Variants in OLFM3 observed in about 807,000 individuals in gnomAD.
The protein encoded by OLFM3 is noelin-3.
In OLFM3, 20 loss-of-function variants were observed where a neutral mutation model predicts 48.6. That is an observed-to-expected ratio of 0.41 (90% CI 0.29 to 0.60). The LOEUF (loss-of-function observed/expected upper bound fraction) is 0.60. OLFM3 is among the 20% of genes least tolerant of loss of function. The probability of loss-of-function intolerance (pLI) is 0.28; values close to 1 mark genes in which losing one functional copy is unlikely to be tolerated. For synonymous variants in OLFM3, 222 were observed against 198.1 expected, an observed-to-expected ratio of 1.12 and a Z score of -1.01; for missense variants, 437 against 544.3, an observed-to-expected ratio of 0.80 and a Z score of 1.96.
At chr1:101,943,960 A>G (rs926432260) in intron 1 of OLFM3, among the ~76,000 whole-genome samples, 1 of 151,500 alleles carries the variant, frequency 6.6e-6, no homozygotes, top group African/African-American at 2.4e-5. Flanking sequence ...TTGCCTAATA[A>G]CTTATGATAA....
intron 1 of OLFM3, among the ~76,000 whole-genome samples, chr1:101,993,564 C>G (rs928093061): frequency 1.3e-5 from 2 of 152,050 alleles, no homozygotes; most frequent in Non-Finnish European, 2.9e-5. Flanking sequence ...ATTGACATCT[C>G]TTAAAATAGG....
Position 101,804,351 on chromosome 1 carries a change from A to T in OLFM3, c.1264T>A (p.Ser422Thr). 1 of 1,612,398 alleles carries T rather than the reference A, an allele frequency of 6.2e-7. No homozygotes were observed. The highest frequency in any genetic ancestry group is 8.5e-7 in the Non-Finnish European group (1 of 1,178,858). ...TCTCTTGCATTGTAGTCAAGCATGG[A>T]TATGTGAAAGTATTGGTTATGGAAG... The part of the protein sequence containing the change: ...IPFHNQYFHI[S>T]MLDYNARDRA... The change falls in exon 6 of 6, where the codon TCC becomes ACC. Residue 422 changes from serine to threonine, a missense_variant. Ser to Thr is a moderately conservative substitution (Grantham distance 58). Transcript: ENST00000370103. The surrounding 1 kb of genome is among the most constrained non-coding windows in gnomAD (Gnocchi z 4.5).
intron 4 of OLFM3, chr1:101,812,577 T>G: frequency 1.0e-6 from 1 of 985,536 alleles, no homozygotes; most frequent in Non-Finnish European, 1.2e-6. Context: ...CCATGAGCCT[T>G]ATCTAATCGA....
intron 1 of OLFM3, among the ~76,000 whole-genome samples, chr1:101,874,601 A>G (rs1176201705): frequency 6.6e-6 from 1 of 151,932 alleles, no homozygotes. Flanking sequence ...TGATCATTAC[A>G]GATACTGAGG....
intron 3 of OLFM3, among the ~76,000 whole-genome samples, chr1:101,827,658 G>A (rs1468956931): frequency 6.6e-6 from 1 of 152,052 alleles, no homozygotes; most frequent in East Asian, 1.9e-4. Context: ...ACAAATATAT[G>A]TTGAGCACCT....
At chr1:101,904,656 T>C (rs887530587) in intron 1 of OLFM3, among the ~76,000 whole-genome samples, 5 of 152,036 alleles carry the variant, frequency 3.3e-5, no homozygotes, top group Non-Finnish European at 7.4e-5. Context: ...TGGCCAGCAA[T>C]ACAATTCAAT....
intron 2 of OLFM3, among the ~76,000 whole-genome samples, chr1:101,834,162 A>G (rs891902001): frequency 6.6e-6 from 1 of 152,196 alleles, no homozygotes; most frequent in African/African-American, 2.4e-5. Flanking sequence ...TGGATATACC[A>G]GTGGGATTTT....
chr1:101,994,650 T>C (rs1557761837), intron 1 of OLFM3, among the ~76,000 whole-genome samples: 3 of 150,250 alleles, frequency 2.0e-5, no homozygotes, highest in Admixed American at 6.6e-5. Flanking sequence ...CTCTTCATTT[T>C]TTAAAGCAAT....
intron 1 of OLFM3, among the ~76,000 whole-genome samples, chr1:101,974,270 G>T (rs1660888681): frequency 6.6e-6 from 1 of 152,120 alleles, no homozygotes; most frequent in African/African-American, 2.4e-5. Flanking sequence ...GTCTGTGGAA[G>T]AAATTAGCGC....
At chr1:101,855,476 A>G (rs1418524428) in intron 1 of OLFM3, among the ~76,000 whole-genome samples, 1 of 152,130 alleles carries the variant, frequency 6.6e-6, no homozygotes, top group South Asian at 2.1e-4. Flanking sequence ...ATGCAAAAAA[A>G]TAGCCAATAT....
chr1:101,957,745 G>A (rs1367624193), intron 1 of OLFM3, among the ~76,000 whole-genome samples: 1 of 152,014 alleles, frequency 6.6e-6, no homozygotes, highest in Non-Finnish European at 1.5e-5. Context: ...TAACAGTGTG[G>A]CTTCTTAAAA....
Position 101,996,919 on chromosome 1 carries a change from A to G in OLFM3, c.-103T>C, listed in dbSNP as rs1661578998. On this transcript the variant is annotated 5_prime_UTR_variant, in exon 1 of 6. Coordinates refer to ENST00000370103, the MANE Select transcript of OLFM3 (RefSeq NM_058170.4). ...GTTGCACTTTCTGCCTGCCAGTCAG[A>G]GCCGAGTGGAAGCAGAGGCGGCGGC... 6 of 1,251,128 alleles carry G rather than the reference A, an allele frequency of 4.8e-6. No individual in the cohort carries two copies. Among genetic ancestry groups the G allele is most frequent in the Admixed American group, 1.9e-5 (1 of 53,056 alleles). The allele number at this position is 1,251,128 out of a possible 1,614,324, so 77.5% of individuals were successfully genotyped here.
rs143120599 is a variant in OLFM3, at chr1:101,836,550, T to A, written c.216+329A>T. Among the ~76,000 whole-genome samples, 3 of 152,244 alleles carry A rather than the reference T, an allele frequency of 2.0e-5. No homozygotes were observed. In the East Asian group the frequency reaches 5.8e-4, roughly 29 times the overall value. Reference sequence around the variant, plus strand: ...AAGTTTGAGCTCCAAGAGTCTAGTGTGATCCTGAGAGTGGAGCTGAATTTT... The same window carrying A: ...AAGTTTGAGCTCCAAGAGTCTAGTGAGATCCTGAGAGTGGAGCTGAATTTT... On this transcript the variant is annotated intron_variant, in intron 2 of 5. Transcript: ENST00000370103.
At chr1:101,874,108 G>A (rs1322884252) in intron 1 of OLFM3, among the ~76,000 whole-genome samples, 1 of 151,748 alleles carries the variant, frequency 6.6e-6, no homozygotes, top group African/African-American at 2.4e-5. Context: ...TCTATAAGTT[G>A]GAAAAATAGT....
chr1:101,923,117 G>T (rs1659153663), intron 1 of OLFM3, among the ~76,000 whole-genome samples: 1 of 152,116 alleles, frequency 6.6e-6, no homozygotes. Context: ...ACATTTTCTG[G>T]ATGCCAGGTG....
intron 5 of OLFM3, 79 bp downstream of exon 5, chr1:101,805,997 A>G (rs1386258784): frequency 9.8e-7 from 1 of 1,015,896 alleles, no homozygotes; most frequent in Admixed American, 2.2e-5. Context: ...AATATCCCTG[A>G]AGAAAATGAA....
intron 1 of OLFM3, among the ~76,000 whole-genome samples, chr1:101,909,808 T>C (rs940718884): frequency 7.2e-5 from 11 of 152,182 alleles, no homozygotes; most frequent in Non-Finnish European, 1.0e-4. Flanking sequence ...TTATTTATTT[T>C]CTGAAATAAT....
At chr1:101,958,952 A>C (rs1353457519) in intron 1 of OLFM3, among the ~76,000 whole-genome samples, 2 of 151,880 alleles carry the variant, frequency 1.3e-5, no homozygotes, top group Admixed American at 1.3e-4. Context: ...TCAAGTATAC[A>C]TTATTAACTA....
intron 1 of OLFM3, among the ~76,000 whole-genome samples, chr1:101,863,311 A>G (rs2100966106): frequency 6.6e-6 from 1 of 152,308 alleles, no homozygotes; most frequent in Admixed American, 6.5e-5. Flanking sequence ...CCAATCATGA[A>G]TAAGTCCTTG....
Sources: gnomAD v4.1 joint callset for allele counts (sites outside exome capture counted in the v4.1 genomes callset) on GRCh38, gnomAD v4.1.1 for gene constraint, Gnocchi (gnomAD v3.1) non-coding constraint, MANE v1.5 for transcripts, NCBI Gene and HGNC (gene_info 2026-07-23, HGNC 2026-07-21) for gene names.